The following TRPS1 variants were observed in gnomAD, a reference collection of about 807,000 sequenced individuals.
The protein encoded by TRPS1 is transcriptional repressor GATA binding 1.
Under a neutral mutation model 101.2 loss-of-function variants are expected in TRPS1, and 6 were observed. The ratio of observed to expected loss-of-function variants is 0.06; its 90% CI spans 0.03 to 0.12. The LOEUF is 0.12. Among genes scored for constraint, TRPS1 ranks in the 10% least tolerant of loss-of-function variants. The probability of loss-of-function intolerance (pLI) is 1.00; values close to 1 mark genes in which losing one functional copy is unlikely to be tolerated. For synonymous variants in TRPS1, 578 were observed against 589.8 expected, an observed-to-expected ratio of 0.98 and a Z score of 0.29; for missense variants, 1,363 against 1,567.0, an observed-to-expected ratio of 0.87 and a Z score of 2.20.
In TRPS1 at chr8:115,623,642, C is replaced by T; in HGVS notation, c.-5G>A. The T allele has an allele frequency of 1.3e-6, 2 of 1,592,182 alleles. No individual in the cohort carries two copies. The highest frequency in any genetic ancestry group is 1.7e-6 in the Non-Finnish European group (2 of 1,167,988). On this transcript the variant is annotated 5_prime_UTR_variant, in exon 2 of 7. Coordinates refer to ENST00000395715, the MANE Select transcript of TRPS1 (RefSeq NM_014112.5). ...AGCATTGACTTCATAAGGCATGTGG[C>T]TTTAGAGTGCTTTTTACAATTATTA... is the stretch of plus-strand genomic sequence containing the variant.
intron 5 of TRPS1, among the ~76,000 whole-genome samples, chr8:115,560,531 G>A (rs1816922228): frequency 1.3e-5 from 2 of 152,100 alleles, no homozygotes; most frequent in South Asian, 4.1e-4. Flanking sequence ...AGTCCCAAAT[G>A]CAAAATTAGC....
At chr8:115,598,350 T>C (rs1817834503) in intron 4 of TRPS1, among the ~76,000 whole-genome samples, 1 of 152,166 alleles carries the variant, frequency 6.6e-6, no homozygotes, top group Non-Finnish European at 1.5e-5. Flanking sequence ...CCTTAGTCTT[T>C]GTCGCCCAGG....
At chr8:115,600,316 T>A (rs1817880459) in intron 4 of TRPS1, among the ~76,000 whole-genome samples, 1 of 152,196 alleles carries the variant, frequency 6.6e-6, no homozygotes, top group Admixed American at 6.6e-5. Flanking sequence ...CTTATTTTCC[T>A]GTCCATATGG....
chr8:115,432,935 C>A (rs540422074), intron 5 of TRPS1, among the ~76,000 whole-genome samples: 9 of 150,768 alleles, frequency 6.0e-5, no homozygotes, highest in Non-Finnish European at 1.2e-4. Context: ...AATTTACTAA[C>A]GCATGTGTAT....
At chr8:115,628,170 C>G (rs1818552124) in intron 1 of TRPS1, among the ~76,000 whole-genome samples, 1 of 151,748 alleles carries the variant, frequency 6.6e-6, no homozygotes, top group African/African-American at 2.4e-5. Flanking sequence ...AAACAACTCA[C>G]AAAGCACTAG....
chr8:115,633,659 C>T (rs142441922), intron 1 of TRPS1, among the ~76,000 whole-genome samples: 178 of 152,074 alleles, frequency 1.2e-3, no homozygotes, highest in African/African-American at 4.1e-3. Flanking sequence ...CCAAGAAGAC[C>T]GGAGGGAACA....
At position 115,587,066 on chromosome 8, in the gene TRPS1, G is replaced by A; in HGVS notation, c.2635C>T (p.Leu879Phe). ...CCCGATGCAGGATACTGCTGGGGGA[G>A]GGCCCCAGACTTCTCTCCGCCAGCT... Reference protein sequence around the residue: ...APAGGEKSGALPQQYPASGEN... With the variant: ...APAGGEKSGAFPQQYPASGEN... The change falls in exon 5 of 7, where the codon CTC becomes TTC. Residue 879 changes from leucine to phenylalanine, a missense_variant. By Grantham distance (22) the Leu-to-Phe change is conservative (BLOSUM62 0). Coordinates refer to ENST00000395715, the MANE Select transcript of TRPS1 (RefSeq NM_014112.5). The A allele has an allele frequency of 1.2e-6, 2 of 1,614,164 alleles. No individual in the cohort carries two copies. Among genetic ancestry groups the A allele is most frequent in the East Asian group, 2.2e-5 (1 of 44,866 alleles).
intron 5 of TRPS1, among the ~76,000 whole-genome samples, chr8:115,450,233 C>G (rs991070350): frequency 1.3e-5 from 2 of 152,110 alleles, no homozygotes; most frequent in African/African-American, 4.8e-5. Flanking sequence ...CCTATGCAGC[C>G]TGGGAAACAT....
chr8:115,482,775 A>G (rs1814786264), intron 5 of TRPS1, among the ~76,000 whole-genome samples: 1 of 152,252 alleles, frequency 6.6e-6, no homozygotes, highest in Admixed American at 6.5e-5. Flanking sequence ...AAAAGAAACA[A>G]GAATACAACC....
intron 5 of TRPS1, among the ~76,000 whole-genome samples, chr8:115,453,950 A>G (rs542045634): frequency 2.1e-3 from 321 of 152,306 alleles, no homozygotes; most frequent in Non-Finnish European, 2.1e-3. Context: ...AGTGAAGCTG[A>G]AATAGGTTGT....
intron 5 of TRPS1, among the ~76,000 whole-genome samples, chr8:115,437,288 A>AT (rs1316519795): frequency 1.9e-4 from 29 of 152,364 alleles, no homozygotes; most frequent in African/African-American, 7.0e-4. Flanking sequence ...AAAAGCAGGG[A>AT]TACCCCCATG....
chr8:115,622,509 C>A (rs1420239206), intron 2 of TRPS1, among the ~76,000 whole-genome samples: 2 of 152,184 alleles, frequency 1.3e-5, no homozygotes, highest in African/African-American at 2.4e-5. Flanking sequence ...CATTCCTACA[C>A]ATAAAATTGT....
At chr8:115,530,534 G>A (rs1816104486) in intron 5 of TRPS1, among the ~76,000 whole-genome samples, 1 of 152,080 alleles carries the variant, frequency 6.6e-6, no homozygotes, top group Non-Finnish European at 1.5e-5. Flanking sequence ...GTGAAAACAT[G>A]GAGTAACACT....
intron 3 of TRPS1, among the ~76,000 whole-genome samples, chr8:115,614,142 TTACAATGA>T (rs1818229314): frequency 6.6e-6 from 1 of 152,124 alleles, no homozygotes; most frequent in South Asian, 2.1e-4. Flanking sequence ...TATGCTGTAA[TTACAATGA>T]TCCAAGAAAT....
chr8:115,502,605 T>G (rs1193345806), intron 5 of TRPS1, among the ~76,000 whole-genome samples: 1 of 152,190 alleles, frequency 6.6e-6, no homozygotes, highest in Non-Finnish European at 1.5e-5. Context: ...ACACGGTATT[T>G]GGCCCACAGT....
intron 5 of TRPS1, among the ~76,000 whole-genome samples, chr8:115,542,693 A>G (rs1177712862): frequency 6.6e-6 from 1 of 152,114 alleles, no homozygotes; most frequent in Non-Finnish European, 1.5e-5. Flanking sequence ...AACTTACTTG[A>G]ATCAATTTCC....
At chr8:115,634,110 T>G (rs1363893488) in intron 1 of TRPS1, among the ~76,000 whole-genome samples, 1 of 152,214 alleles carries the variant, frequency 6.6e-6, no homozygotes, top group Non-Finnish European at 1.5e-5. Flanking sequence ...AGTCTTTGTT[T>G]TGTAGGTACA....
chr8:115,550,912 T>C (rs1816689687), intron 5 of TRPS1, among the ~76,000 whole-genome samples: 1 of 152,202 alleles, frequency 6.6e-6, no homozygotes, highest in African/African-American at 2.4e-5. Context: ...CATGCTAACA[T>C]GGAATATCAG....
chr8:115,621,895 G>A (rs889142310), intron 2 of TRPS1, among the ~76,000 whole-genome samples: 4 of 149,494 alleles, frequency 2.7e-5, no homozygotes, highest in Admixed American at 1.3e-4. Flanking sequence ...CAGCCTGGGC[G>A]ACAAGAGTGA....
Sources: gnomAD v4.1 joint callset for allele counts (sites outside exome capture counted in the v4.1 genomes callset) on GRCh38, gnomAD v4.1.1 for gene constraint, MANE v1.5 for transcripts, NCBI Gene and HGNC (gene_info 2026-07-23, HGNC 2026-07-21) for gene names.